Variants in GNB5 observed in about 807,000 individuals in gnomAD.
GNB5 encodes the protein G protein subunit beta 5.
GNB5 carries 37 observed loss-of-function variants against 55.3 expected under a neutral mutation model. The observed-to-expected ratio is 0.67, with a 90% CI of 0.51 to 0.88. The LOEUF is 0.88. Ranked by LOEUF, GNB5 falls within the 40% of genes least tolerant of loss-of-function variation. The pLI is 0.00. For synonymous variants in GNB5, 219 were observed against 198.5 expected, an observed-to-expected ratio of 1.10 and a Z score of -0.87; for missense variants, 476 against 515.3, an observed-to-expected ratio of 0.92 and a Z score of 0.74.
intron 3 of GNB5, among the ~76,000 whole-genome samples, chr15:52,164,306 CTT>C (rs2034404431): frequency 2.7e-5 from 1 of 36,844 alleles, no homozygotes. Flanking sequence ...AAGACTCTGT[CTT>C]AAAAAAAAAA....
At position 52,184,627 on chromosome 15, in the gene GNB5, C is replaced by T. The variant is rs1034131996; in HGVS notation, c.50G>A (p.Cys17Tyr). ...LVNVFGSCDK[C>Y]FKQRALRPVF... is the part of the protein sequence containing the mutation. ...TGGTCTCAGAGCTCGTTGTTTGAAACATTTGTCACATGAGCCAAATACATT... is the reference window on the plus strand; with the variant it reads ...TGGTCTCAGAGCTCGTTGTTTGAAATATTTGTCACATGAGCCAAATACATT... Residue 17 changes from cysteine to tyrosine, a missense_variant, in exon 2 of 13, where the codon TGT (cysteine) becomes TAT (tyrosine). Coordinates refer to ENST00000261837, the MANE Select transcript of GNB5 (RefSeq NM_016194.4). The T allele has an allele frequency of 8.1e-6, 13 of 1,612,360 alleles. No homozygotes were observed. The highest frequency in any genetic ancestry group is 1.0e-5 in the Non-Finnish European group (12 of 1,178,422).
At chr15:52,152,142 A>G (rs142735490) in intron 4 of GNB5, among the ~76,000 whole-genome samples, 1 of 151,656 alleles carries the variant, frequency 6.6e-6, no homozygotes, top group African/African-American at 2.4e-5. Context: ...GAGAGTAATA[A>G]CATTTGTCCT....
At chr15:52,164,155 A>G (rs2034399854) in intron 3 of GNB5, among the ~76,000 whole-genome samples, 1 of 151,838 alleles carries the variant, frequency 6.6e-6, no homozygotes, top group African/African-American at 2.4e-5. Flanking sequence ...TAAAAATACA[A>G]AAATTAGCTG....
chr15:52,134,337 T>A (rs1041911426), intron 8 of GNB5, among the ~76,000 whole-genome samples: 1 of 152,144 alleles, frequency 6.6e-6, no homozygotes, highest in African/African-American at 2.4e-5. Flanking sequence ...AAGTTGTTGG[T>A]TTCAACTTGG....
intron 4 of GNB5, among the ~76,000 whole-genome samples, chr15:52,151,781 C>G (rs2034101417): frequency 6.6e-6 from 1 of 152,050 alleles, no homozygotes; most frequent in South Asian, 2.1e-4. Flanking sequence ...AGAATAAGCT[C>G]TTGAAAAAGA....
chr15:52,156,790 G>A (rs142586750), intron 3 of GNB5, among the ~76,000 whole-genome samples: 15 of 152,224 alleles, frequency 9.9e-5, no homozygotes, highest in Non-Finnish European at 1.9e-4. Context: ...ACTCTAAAGT[G>A]CTACATGAAT....
At chr15:52,134,540 AATT>A (rs1326902001) in intron 8 of GNB5, among the ~76,000 whole-genome samples, 6 of 152,194 alleles carry the variant, frequency 3.9e-5, no homozygotes, top group African/African-American at 1.4e-4. Context: ...TAATAGCAGT[AATT>A]TTTTAAAAAC....
chr15:52,189,875 G>A (rs1009761854), intron 1 of GNB5, among the ~76,000 whole-genome samples: 2 of 152,132 alleles, frequency 1.3e-5, no homozygotes, highest in Middle Eastern at 3.2e-3. Flanking sequence ...AATCCATAGA[G>A]ACATGAAGCA....
chr15:52,165,974 T>C (rs1175220526), intron 3 of GNB5, among the ~76,000 whole-genome samples: 1 of 151,840 alleles, frequency 6.6e-6, no homozygotes, highest in African/African-American at 2.4e-5. Flanking sequence ...ACACATAGGC[T>C]AAAAATAAAG....
At chr15:52,136,113 A>AAT (rs2033707758) in intron 7 of GNB5, among the ~76,000 whole-genome samples, 1 of 50,724 alleles carries the variant, frequency 2.0e-5, no homozygotes, top group South Asian at 1.0e-3. Context: ...AAAAGCAGAA[A>AAT]ACACACACAC....
At position 52,117,883 on chromosome 15, in the gene GNB5, C is replaced by T. The variant is rs188228604; in HGVS notation, c.*4874G>A. The stretch of plus-strand genomic sequence containing the variant: ...GTGCAGGAACCTGCCATGGGTGGGA[C>T]GATTCTTCTCAGCAGGCAAGTTTGG... On this transcript the variant is annotated 3_prime_UTR_variant, in exon 13 of 13. Transcript: ENST00000261837. The T allele has an allele frequency of 3.3e-3, 506 of 152,608 alleles. 1 individual carries two copies. The highest frequency in any genetic ancestry group is 5.7e-3 in the Non-Finnish European group (386 of 68,236). The allele number at this position is 152,608 out of a possible 1,614,324, so 9.5% of individuals were successfully genotyped here.
chr15:52,127,814 GA>G (rs60081352), intron 10 of GNB5, among the ~76,000 whole-genome samples: 67,920 of 140,736 alleles, frequency 0.48, 16,924 homozygotes, highest in African/African-American at 0.68. Context: ...GTTTTTAACA[GA>G]AAAAAAAAAA....
rs375563006 is a variant in GNB5 at position 52,123,889 on chromosome 15, AG to A, written c.1176+583del. Among the ~76,000 whole-genome samples, 110 of 151,750 alleles carry A rather than the reference AG, an allele frequency of 7.2e-4. No homozygotes were observed. The East Asian group carries it at 0.019, about 27-fold the overall frequency. On this transcript the variant is annotated intron_variant, in intron 12 of 12. Transcript: ENST00000261837. ...ATTTTGGGTGAGCCAACACTCAACA[AG>A]GTTATGGAGCTCTCTTTGAGAATTT...
intron 3 of GNB5, among the ~76,000 whole-genome samples, chr15:52,174,848 G>A (rs1290145977): frequency 6.6e-6 from 1 of 152,100 alleles, no homozygotes; most frequent in Admixed American, 6.5e-5. Context: ...TTGGGAGGCT[G>A]AGGCGGGTGG....
intron 3 of GNB5, among the ~76,000 whole-genome samples, chr15:52,165,423 G>C (rs923480146): frequency 2.0e-5 from 3 of 151,966 alleles, no homozygotes; most frequent in Admixed American, 6.6e-5. Flanking sequence ...GATTCTCCAA[G>C]ACTGAAATGA....
intron 6 of GNB5, among the ~76,000 whole-genome samples, chr15:52,142,286 T>G (rs1165086518): frequency 6.6e-6 from 1 of 152,202 alleles, no homozygotes; most frequent in Non-Finnish European, 1.5e-5. Context: ...CATAAAAATA[T>G]CATTTTCTCC....
At position 52,137,295 on chromosome 15, in the gene GNB5, G is replaced by C. The variant is rs140416317; in HGVS notation, c.628-1539C>G. 252 of 1,125,784 alleles carry C rather than the reference G, an allele frequency of 2.2e-4. 3 individuals are homozygous for C. The East Asian group carries it at 0.016, about 72-fold the overall frequency. The allele number at this position is 1,125,784 out of a possible 1,614,324, so 69.7% of individuals were successfully genotyped here. A position where few individuals can be genotyped will look rare whatever the true frequency, so the allele number is the denominator to read the frequency against. On this transcript the variant is annotated intron_variant, in intron 7 of 12. Coordinates refer to ENST00000261837, the MANE Select transcript of GNB5 (RefSeq NM_016194.4). ...ACAGCATGAGAAGTGCTGGGATCCA[G>C]GTGTGCACACAGGAGGGTCCCAAAC...
chr15:52,139,351 G>A (rs1336769839), intron 7 of GNB5, among the ~76,000 whole-genome samples: 1 of 152,152 alleles, frequency 6.6e-6, no homozygotes, highest in Non-Finnish European at 1.5e-5. Flanking sequence ...AGCTACTTGG[G>A]AGGCTGAGGC....
At position 52,147,567 on chromosome 15, in the gene GNB5, C is replaced by T. The variant is rs372223105; in HGVS notation, c.418-32G>A. On this transcript the variant is annotated intron_variant, in intron 5 of 12. Transcript: ENST00000261837. ...CACAGCACAGAGTGAACAACTAGCA[C>T]TTCCACACAAAAATCTTTTTTTTTT... The T allele has an allele frequency of 1.4e-4, 162 of 1,189,154 alleles. 1 individual carries two copies. The African/African-American group carries it at 1.8e-3, about 13-fold the overall frequency. 73.7% of individuals were successfully genotyped at this position (1,189,154 alleles called of 1,614,324 possible).
Sources: allele counts gnomAD v4.1 joint callset (sites outside exome capture counted in the v4.1 genomes callset), GRCh38; gene constraint gnomAD v4.1.1; transcripts MANE v1.5; gene names NCBI Gene and HGNC (gene_info 2026-07-23, HGNC 2026-07-21).